UNC13B: variants seen among roughly 807,000 people sequenced by gnomAD.
UNC13B encodes unc-13 homolog B, also known as protein unc-13 homolog B.
A neutral mutation model predicts 211.0 loss-of-function variants in UNC13B; 144 were observed. The ratio of observed to expected loss-of-function variants is 0.68; its 90% CI spans 0.60 to 0.78. The LOEUF (loss-of-function observed/expected upper bound fraction) is 0.78. Among genes scored for constraint, UNC13B ranks in the 30% least tolerant of loss-of-function variants. The probability of loss-of-function intolerance (pLI) is 0.00; values close to 1 mark genes in which losing one functional copy is unlikely to be tolerated. For missense variants in UNC13B, 1,777 were observed against 2,002.0 expected (o/e 0.89, Z 2.14); for synonymous variants, 709 against 725.8 (o/e 0.98, Z 0.37).
At chr9:35,253,975 T>C (rs184919848) in intron 6 of UNC13B, among the ~76,000 whole-genome samples, 35 of 152,358 alleles carry the variant, frequency 2.3e-4, no homozygotes, top group African/African-American at 8.2e-4. Context: ...TTTTAAATTT[T>C]TGTTAATCTA....
At chr9:35,396,802 C>G in intron 27 of UNC13B, 39 bp from the exon 28 acceptor site, 6 of 1,612,454 alleles carry the variant, frequency 3.7e-6, no homozygotes, top group Non-Finnish European at 5.1e-6. Flanking sequence ...GTATTCCCAC[C>G]GCTAGTTCTA....
At chr9:35,330,979 A>G (rs763738687) in intron 11 of UNC13B, among the ~76,000 whole-genome samples, 2 of 152,214 alleles carry the variant, frequency 1.3e-5, no homozygotes, top group Non-Finnish European at 2.9e-5. Flanking sequence ...TTTTCTGGGC[A>G]TAGTATCAAT....
chr9:35,249,953 T>C (rs1277979831), intron 6 of UNC13B, among the ~76,000 whole-genome samples: 51 of 152,180 alleles, frequency 3.4e-4, no homozygotes, highest in Non-Finnish European at 5.4e-4. Flanking sequence ...TTTTTAGCAG[T>C]TTTATTGAAA....
intron 6 of UNC13B, among the ~76,000 whole-genome samples, chr9:35,251,430 T>C (rs938745050): frequency 1.3e-5 from 2 of 151,996 alleles, no homozygotes; most frequent in African/African-American, 2.4e-5. Flanking sequence ...CTACTAAAAA[T>C]ACAAAAATTA....
In UNC13B at chr9:35,302,608, C is replaced by T. The variant is rs1368506120; in HGVS notation, c.3204C>T (p.His1068=). ...GNIEELNPSD[H]TAGQNFERDG... is the part of the protein sequence containing the mutation. ...TAGAGGAATTAAATCCAAGTGACCA[C>T]ACAGCAGGACAGAATTTTGAAAGGG... is the stretch of plus-strand genomic sequence containing the variant. Residue 1068 remains histidine (H), a synonymous_variant, in exon 9 of 40, where the codon CAC becomes CAT. Coordinates refer to ENST00000635942, the MANE Select transcript of UNC13B (RefSeq NM_001371189.2). 7.5e-6 allele frequency: 3 copies of T among 398,512 alleles called. No homozygotes were observed. Among genetic ancestry groups the T allele is most frequent in the Non-Finnish European group, 1.3e-5 (3 of 225,776 alleles). 24.7% of individuals were successfully genotyped at this position (398,512 alleles called of 1,614,324 possible). A position where few individuals can be genotyped will look rare whatever the true frequency, so the allele number is the denominator to read the frequency against.
chr9:35,220,109 A>G (rs1824490877), intron 1 of UNC13B, among the ~76,000 whole-genome samples: 1 of 151,930 alleles, frequency 6.6e-6, no homozygotes, highest in Admixed American at 6.6e-5. Context: ...AGCAAATATG[A>G]ATATATATTT....
rs192872027 is a variant in UNC13B, at chr9:35,339,798, G to A, written c.9414+25809G>A. 5.3e-5 allele frequency among the ~76,000 whole-genome samples: 8 copies of A among 152,366 alleles called. No homozygotes were observed. The East Asian group carries it at 1.5e-3, about 29-fold the overall frequency. ...TGTGTTTGGGTGACAAGACAGGGTG[G>A]GTTCCATTAGCCTCAGAAATGCCAT... On this transcript the variant is annotated intron_variant, in intron 11 of 39. Transcript: ENST00000635942.
intron 7 of UNC13B, among the ~76,000 whole-genome samples, chr9:35,282,259 A>G (rs1828538518): frequency 6.6e-6 from 1 of 152,148 alleles, no homozygotes. Context: ...CCTCTTCCCA[A>G]TCACAACCCC....
At chr9:35,207,145 T>G (rs1236535321) in intron 1 of UNC13B, among the ~76,000 whole-genome samples, 1 of 152,208 alleles carries the variant, frequency 6.6e-6, no homozygotes, top group African/African-American at 2.4e-5. Flanking sequence ...CTATTATCTG[T>G]CTTTTAAGTC....
chr9:35,363,079 TGA>T (rs1422774420), intron 11 of UNC13B, among the ~76,000 whole-genome samples: 1 of 152,140 alleles, frequency 6.6e-6, no homozygotes, highest in East Asian at 1.9e-4. Flanking sequence ...TTTGGGGTTT[TGA>T]GTATGTGACG....
At chr9:35,362,486 G>A (rs7024042) in intron 11 of UNC13B, among the ~76,000 whole-genome samples, 12,358 of 152,212 alleles carry the variant, frequency 0.081, 1,695 homozygotes, top group African/African-American at 0.28. Context: ...GACTTATCAA[G>A]TGACACAGAG....
At chr9:35,186,008 G>A (rs1478138787) in intron 1 of UNC13B, among the ~76,000 whole-genome samples, 1 of 151,462 alleles carries the variant, frequency 6.6e-6, no homozygotes, top group African/African-American at 2.4e-5. Flanking sequence ...CCTTGGCCAA[G>A]GGAAACCCAA....
At chr9:35,329,173 C>T (rs1831226327) in intron 11 of UNC13B, among the ~76,000 whole-genome samples, 1 of 152,116 alleles carries the variant, frequency 6.6e-6, no homozygotes, top group African/African-American at 2.4e-5. Context: ...TTCCCATTCC[C>T]ACCCCAAAGT....
chr9:35,191,613 A>G (rs1822663291), intron 1 of UNC13B, among the ~76,000 whole-genome samples: 1 of 152,236 alleles, frequency 6.6e-6, no homozygotes. Context: ...GATATTTTGT[A>G]AACTCTGCCC....
At chr9:35,402,042 T>C in intron 37 of UNC13B, 1 of 1,544,512 alleles carries the variant, frequency 6.5e-7, no homozygotes, top group Non-Finnish European at 8.8e-7. Context: ...GGATCTAACA[T>C]GGGCTAACAC....
Position 35,306,424 on chromosome 9 carries a change from A to G in UNC13B, c.7020A>G (p.Ala2340=), listed in dbSNP as rs2131844355. 5.0e-6 allele frequency: 2 copies of G among 399,072 alleles called. No homozygotes were observed. Among genetic ancestry groups the G allele is most frequent in the South Asian group, 2.5e-4 (2 of 7,860 alleles). The allele number at this position is 399,072 out of a possible 1,614,324, so 24.7% of individuals were successfully genotyped here. Residue 2340 remains alanine, a synonymous_variant, in exon 9 of 40, where the codon GCA becomes GCG. Coordinates refer to ENST00000635942, the MANE Select transcript of UNC13B (RefSeq NM_001371189.2). ...DIIPPSPEFQ[A]QAETFLTGPE... is the part of the protein sequence containing the mutation. The stretch of plus-strand genomic sequence containing the variant: ...TTCCTCCTTCACCAGAATTTCAGGC[A>G]CAGGCTGAAACATTCCTCACTGGCC...
chr9:35,290,925 T>C (rs1307955576), intron 7 of UNC13B: 2 of 731,480 alleles, frequency 2.7e-6, no homozygotes, highest in East Asian at 5.5e-5. Context: ...AAACTCTATG[T>C]TATGTAAAGT....
chr9:35,246,503 A>C (rs1223866545), intron 6 of UNC13B, among the ~76,000 whole-genome samples: 2 of 152,158 alleles, frequency 1.3e-5, no homozygotes, highest in Non-Finnish European at 1.5e-5. Flanking sequence ...TTAAGTCTTT[A>C]ATCCATCTTG....
At chr9:35,246,061 T>C (rs907339212) in intron 6 of UNC13B, among the ~76,000 whole-genome samples, 5 of 152,190 alleles carry the variant, frequency 3.3e-5, no homozygotes, top group African/African-American at 9.7e-5. Flanking sequence ...TGTGAGATGG[T>C]ATGTCATTGT....
Sources: allele counts gnomAD v4.1 joint callset (sites outside exome capture counted in the v4.1 genomes callset), GRCh38; gene constraint gnomAD v4.1.1; transcripts MANE v1.5; gene names NCBI Gene and HGNC (gene_info 2026-07-23, HGNC 2026-07-21).